Variants in FSTL4 observed in about 807,000 individuals in gnomAD.
The protein encoded by FSTL4 is follistatin-related protein 4.
A neutral mutation model predicts 78.2 loss-of-function variants in FSTL4; 28 were observed. That is an observed-to-expected ratio of 0.36 (90% CI 0.27 to 0.49). The LOEUF (loss-of-function observed/expected upper bound fraction) is 0.49, where lower values mean the gene tolerates loss of function less well. Among genes scored for constraint, FSTL4 ranks in the 20% least tolerant of loss-of-function variants. FSTL4 has a pLI of 0.98. For missense variants in FSTL4, 922 were observed against 1,084.9 expected (o/e 0.85, Z 2.11); for synonymous variants, 422 against 440.5 (o/e 0.96, Z 0.53).
chr5:133,273,579 C>T (rs1339544748), intron 6 of FSTL4, among the ~76,000 whole-genome samples: 2 of 152,170 alleles, frequency 1.3e-5, no homozygotes, highest in African/African-American at 4.8e-5. Context: ...CTTCGAGCTT[C>T]TCCCAAGGGG....
chr5:133,212,490 C>G (rs956136331), intron 13 of FSTL4, among the ~76,000 whole-genome samples: 2 of 152,312 alleles, frequency 1.3e-5, no homozygotes, highest in South Asian at 4.1e-4. Flanking sequence ...AGTCTCTACT[C>G]TCTTTGCCTA....
the FSTL4 span, among the ~76,000 whole-genome samples, chr5:133,690,632 G>T: frequency 6.6e-6 from 1 of 152,190 alleles, no homozygotes; most frequent in Non-Finnish European, 1.5e-5. Context: ...TGATGCTCCA[G>T]ATGTTTCTAA....
chr5:133,211,894 C>T (rs1750738679), intron 13 of FSTL4, among the ~76,000 whole-genome samples: 1 of 152,116 alleles, frequency 6.6e-6, no homozygotes, highest in Non-Finnish European at 1.5e-5. Flanking sequence ...CTTGATTTTT[C>T]CCACCCTGCT....
At chr5:133,837,595 G>A in the FSTL4 span, among the ~76,000 whole-genome samples, 4 of 152,184 alleles carry the variant, frequency 2.6e-5, no homozygotes, top group Non-Finnish European at 4.4e-5. Flanking sequence ...AAATAACTGA[G>A]CTGATTTAAT....
At chr5:133,525,508 G>A (rs1561456674) in intron 3 of FSTL4, among the ~76,000 whole-genome samples, 1 of 152,198 alleles carries the variant, frequency 6.6e-6, no homozygotes, top group Non-Finnish European at 1.5e-5. Context: ...TGGTGAGTGG[G>A]GGGAGTTTCT....
At chr5:133,423,571 G>A (rs1408128021) in intron 3 of FSTL4, among the ~76,000 whole-genome samples, 3 of 152,218 alleles carry the variant, frequency 2.0e-5, no homozygotes, top group African/African-American at 4.8e-5. Context: ...AAGGCACAAA[G>A]GTGGCTGTGG....
the FSTL4 span, among the ~76,000 whole-genome samples, chr5:133,674,465 T>C: frequency 6.6e-6 from 1 of 152,102 alleles, no homozygotes; most frequent in African/African-American, 2.4e-5. Context: ...AGAAAAAGGA[T>C]CTTCATGTAC....
At chr5:133,423,647 T>A (rs1393682688) in intron 3 of FSTL4, among the ~76,000 whole-genome samples, 1 of 151,956 alleles carries the variant, frequency 6.6e-6, no homozygotes, top group African/African-American at 2.4e-5. Context: ...GTGGAGGCAA[T>A]GGTAGTGGTG....
At chr5:133,589,483 G>A (rs1251362471) in intron 2 of FSTL4, among the ~76,000 whole-genome samples, 2 of 151,978 alleles carry the variant, frequency 1.3e-5, no homozygotes, top group African/African-American at 4.8e-5. Context: ...AGTCCCCAGT[G>A]GAATCCTGGA....
the FSTL4 span, among the ~76,000 whole-genome samples, chr5:133,816,922 G>T: frequency 6.6e-6 from 1 of 152,270 alleles, no homozygotes; most frequent in Middle Eastern, 3.4e-3. Context: ...GGAAGCGGCA[G>T]GGAGATCAGG....
At chr5:133,829,311 G>A in the FSTL4 span, among the ~76,000 whole-genome samples, 2 of 152,126 alleles carry the variant, frequency 1.3e-5, no homozygotes, top group Non-Finnish European at 2.9e-5. Context: ...CGCTTGAACC[G>A]GGAGGCAGAG....
At chr5:133,748,511 C>T in the FSTL4 span, among the ~76,000 whole-genome samples, 1 of 152,184 alleles carries the variant, frequency 6.6e-6, no homozygotes, top group Non-Finnish European at 1.5e-5. Flanking sequence ...GCAGAGGTTG[C>T]AGTAAGCCGA....
chr5:133,521,622 G>C (rs75941394), intron 3 of FSTL4, among the ~76,000 whole-genome samples: 8,684 of 152,186 alleles, frequency 0.057, 321 homozygotes, highest in Non-Finnish European at 0.079. Flanking sequence ...CATTTTAACA[G>C]AAGAAATGAT....
chr5:133,820,073 G>C, the FSTL4 span, among the ~76,000 whole-genome samples: 1 of 152,146 alleles, frequency 6.6e-6, no homozygotes, highest in South Asian at 2.1e-4. Flanking sequence ...AGCACGGCAC[G>C]GCGCAGGTTC....
chr5:133,253,433 C>T (rs1463021925), intron 6 of FSTL4, among the ~76,000 whole-genome samples: 2 of 152,254 alleles, frequency 1.3e-5, no homozygotes, highest in South Asian at 2.1e-4. Context: ...GGGCCCCCCT[C>T]GCTTTTGACT....
chr5:133,244,030 T>A (rs1490645059), intron 7 of FSTL4: 1 of 152,298 alleles, frequency 6.6e-6, no homozygotes, highest in South Asian at 2.1e-4. Context: ...GGTTTGCATG[T>A]TCTGTTTCTG....
chr5:133,427,914 A>G (rs888726105), intron 3 of FSTL4, among the ~76,000 whole-genome samples: 12 of 152,188 alleles, frequency 7.9e-5, no homozygotes, highest in Admixed American at 7.8e-4. Context: ...TTCTGGAAAC[A>G]TTGGGCAGGC....
At chr5:133,245,044 C>T (rs1047584162) in intron 7 of FSTL4, among the ~76,000 whole-genome samples, 7 of 149,990 alleles carry the variant, frequency 4.7e-5, no homozygotes, top group Non-Finnish European at 1.0e-4. Flanking sequence ...CGCTTGAGCT[C>T]TGGAGGTCGA....
chr5:133,689,151 A>G, the FSTL4 span, among the ~76,000 whole-genome samples: 1 of 152,046 alleles, frequency 6.6e-6, no homozygotes, highest in Admixed American at 6.5e-5. Context: ...CAGTCTCTCC[A>G]CAGTGGCCCG....
Sources: allele counts gnomAD v4.1 joint callset (sites outside exome capture counted in the v4.1 genomes callset), GRCh38; gene constraint gnomAD v4.1.1; transcripts MANE v1.5; gene names NCBI Gene and HGNC (gene_info 2026-07-23, HGNC 2026-07-21).